ENTREP2: variants seen among roughly 807,000 people sequenced by gnomAD.
The protein encoded by ENTREP2 is endosomal transmembrane epsin interactor 2.
the ENTREP2 span, among the ~76,000 whole-genome samples, chr15:29,123,870 C>T: frequency 6.6e-6 from 1 of 152,100 alleles, no homozygotes; most frequent in Non-Finnish European, 1.5e-5. Context: ...CCTCCAGGAG[C>T]GAAGGCCTGG....
the ENTREP2 span, among the ~76,000 whole-genome samples, chr15:29,395,998 A>G: frequency 1.3e-5 from 2 of 152,182 alleles, no homozygotes; most frequent in African/African-American, 4.8e-5. Context: ...ACTGACAAAT[A>G]AAAACTGTAT....
chr15:29,287,398 G>C, the ENTREP2 span, among the ~76,000 whole-genome samples: 1 of 124,146 alleles, frequency 8.1e-6, no homozygotes, highest in Non-Finnish European at 1.6e-5. Context: ...AAAAAAAAAA[G>C]AAAAAAAAAA....
the ENTREP2 span, among the ~76,000 whole-genome samples, chr15:29,201,673 G>A: frequency 3.9e-5 from 6 of 151,934 alleles, no homozygotes; most frequent in Non-Finnish European, 7.4e-5. Context: ...AATTTTATTC[G>A]TTATTATTTT....
chr15:29,269,533 T>A, the ENTREP2 span: 1 of 1,523,750 alleles, frequency 6.6e-7, no homozygotes, highest in Non-Finnish European at 8.8e-7. Flanking sequence ...CTGCGACCCC[T>A]GCGAGCCGCC....
At chr15:29,601,119 G>A in the ENTREP2 span, among the ~76,000 whole-genome samples, 15 of 147,752 alleles carry the variant, frequency 1.0e-4, no homozygotes, top group Admixed American at 4.0e-4. Flanking sequence ...GGATGGTCTC[G>A]ATCTCCTGAC....
At chr15:29,594,677 T>C in the ENTREP2 span, among the ~76,000 whole-genome samples, 4 of 152,006 alleles carry the variant, frequency 2.6e-5, no homozygotes, top group East Asian at 5.8e-4. Flanking sequence ...TAAACTTTTG[T>C]GGGGGCTGGG....
the ENTREP2 span, among the ~76,000 whole-genome samples, chr15:29,127,755 T>A: frequency 6.6e-6 from 1 of 152,126 alleles, no homozygotes; most frequent in East Asian, 1.9e-4. Flanking sequence ...CCCCTGTCTA[T>A]TTCCACCTGC....
At chr15:29,468,902 ATATGATTT>A in the ENTREP2 span, among the ~76,000 whole-genome samples, 1 of 152,158 alleles carries the variant, frequency 6.6e-6, no homozygotes, top group African/African-American at 2.4e-5. Flanking sequence ...AAATATATTA[ATATGATTT>A]TTTAAAAAGT....
chr15:29,314,475 T>C, the ENTREP2 span, among the ~76,000 whole-genome samples: 1 of 152,226 alleles, frequency 6.6e-6, no homozygotes, highest in African/African-American at 2.4e-5. Flanking sequence ...AGATGACAAC[T>C]TGCTGAAGGC....
chr15:29,396,755 G>T, the ENTREP2 span, among the ~76,000 whole-genome samples: 1 of 152,076 alleles, frequency 6.6e-6, no homozygotes, highest in Non-Finnish European at 1.5e-5. Flanking sequence ...TTATGTTTAG[G>T]TCTTTAATCC....
At chr15:29,259,811 C>CATATATATATATATATATATATATAT in the ENTREP2 span, among the ~76,000 whole-genome samples, 640 of 149,162 alleles carry the variant, frequency 4.3e-3, 9 homozygotes, top group African/African-American at 0.015. Flanking sequence ...ATCCCATTTA[C>CATATATATATATATATATATATATAT]ATATATATAT....
the ENTREP2 span, among the ~76,000 whole-genome samples, chr15:29,249,687 T>C: frequency 2.0e-5 from 3 of 152,196 alleles, no homozygotes; most frequent in Non-Finnish European, 2.9e-5. Flanking sequence ...GGGTAGGTCA[T>C]GTCCACACTG....
chr15:29,350,721 T>C, the ENTREP2 span, among the ~76,000 whole-genome samples: 255 of 152,246 alleles, frequency 1.7e-3, 4 homozygotes, highest in African/African-American at 5.9e-3. Context: ...GTTGGGTGGA[T>C]TACCTGAGGT....
At chr15:29,167,106 G>A in the ENTREP2 span, among the ~76,000 whole-genome samples, 6 of 152,034 alleles carry the variant, frequency 3.9e-5, no homozygotes, top group South Asian at 2.1e-4. Context: ...TGGGATAATC[G>A]GCTAGCCACA....
chr15:29,560,607 G>T, the ENTREP2 span, among the ~76,000 whole-genome samples: 1 of 151,942 alleles, frequency 6.6e-6, no homozygotes. Context: ...TTGCTGCTCC[G>T]CCACACCTCT....
the ENTREP2 span, among the ~76,000 whole-genome samples, chr15:29,589,193 T>G: frequency 1.3e-5 from 2 of 152,156 alleles, no homozygotes; most frequent in Non-Finnish European, 2.9e-5. Context: ...GTTTAATTTC[T>G]TGACCAGAGA....
At chr15:29,158,592 A>G in the ENTREP2 span, among the ~76,000 whole-genome samples, 1 of 152,030 alleles carries the variant, frequency 6.6e-6, no homozygotes, top group South Asian at 2.1e-4. Flanking sequence ...TATTTTTTTA[A>G]GTAGAGATAG....
At chr15:29,635,358 CAA>C in the ENTREP2 span, among the ~76,000 whole-genome samples, 1 of 152,228 alleles carries the variant, frequency 6.6e-6, no homozygotes, top group African/African-American at 2.4e-5. Flanking sequence ...CTAAGGATTT[CAA>C]GAGTCATGTG....
chr15:29,538,635 A>T, the ENTREP2 span, among the ~76,000 whole-genome samples: 1 of 128,398 alleles, frequency 7.8e-6, no homozygotes, highest in Non-Finnish European at 1.6e-5. Context: ...TCTACTAAAA[A>T]TACAAAAAAA....
Sources: allele counts gnomAD v4.1 joint callset (sites outside exome capture counted in the v4.1 genomes callset), GRCh38; gene constraint gnomAD v4.1.1; transcripts MANE v1.5; gene names NCBI Gene and HGNC (gene_info 2026-07-23, HGNC 2026-07-21).